KCND2: variants seen among roughly 807,000 people sequenced by gnomAD.
The protein encoded by KCND2 is A-type voltage-gated potassium channel KCND2.
In KCND2, 16 loss-of-function variants were observed where a neutral mutation model predicts 54.4. That is an observed-to-expected ratio of 0.29 (90% CI 0.20 to 0.45). The LOEUF (loss-of-function observed/expected upper bound fraction) is 0.45. Ranked by LOEUF, KCND2 falls within the 20% of genes least tolerant of loss-of-function variation. The pLI, the probability that KCND2 is intolerant of heterozygous loss-of-function variation, is 1.00. For synonymous variants in KCND2, 317 were observed against 310.7 expected (o/e 1.02, Z -0.21); for missense variants, 486 against 824.2 (o/e 0.59, Z 5.02).
At chr7:120,643,481 T>G (rs1403270625) in intron 1 of KCND2, among the ~76,000 whole-genome samples, 3 of 152,158 alleles carry the variant, frequency 2.0e-5, no homozygotes, top group African/African-American at 4.8e-5. Flanking sequence ...AATAGATTTT[T>G]ATATCTTAAA....
chr7:120,681,111 C>T (rs998936357), intron 1 of KCND2, among the ~76,000 whole-genome samples: 1 of 152,022 alleles, frequency 6.6e-6, no homozygotes, highest in Non-Finnish European at 1.5e-5. Flanking sequence ...AGCAACTCCC[C>T]AAAGGAGACT....
chr7:120,651,502 G>A (rs1218261469), intron 1 of KCND2, among the ~76,000 whole-genome samples: 7 of 152,150 alleles, frequency 4.6e-5, no homozygotes, highest in Non-Finnish European at 8.8e-5. Flanking sequence ...CTATTTTCCA[G>A]GTCCCACTTG....
intron 1 of KCND2, among the ~76,000 whole-genome samples, chr7:120,702,590 C>T (rs561402175): frequency 1.6e-3 from 249 of 152,290 alleles, no homozygotes; most frequent in African/African-American, 5.6e-3. Context: ...TACATATACA[C>T]CATGGAATAC....
intron 1 of KCND2, among the ~76,000 whole-genome samples, chr7:120,318,287 G>C (rs1198884069): frequency 6.6e-6 from 1 of 152,092 alleles, no homozygotes; most frequent in Non-Finnish European, 1.5e-5. Flanking sequence ...AAATTACATA[G>C]TGATGCCATA....
At chr7:120,628,773 C>T (rs1184665835) in intron 1 of KCND2, among the ~76,000 whole-genome samples, 7 of 152,138 alleles carry the variant, frequency 4.6e-5, no homozygotes, top group Non-Finnish European at 1.0e-4. Context: ...AAATGGATAG[C>T]ACCCCAGGAA....
intron 1 of KCND2, among the ~76,000 whole-genome samples, chr7:120,433,134 T>C (rs1048389997): frequency 3.3e-5 from 5 of 152,166 alleles, no homozygotes; most frequent in African/African-American, 9.7e-5. Context: ...GTGTGGACGC[T>C]TTTTCAAATT....
intron 1 of KCND2, among the ~76,000 whole-genome samples, chr7:120,430,256 C>T (rs1020504833): frequency 2.0e-5 from 3 of 152,080 alleles, no homozygotes; most frequent in Non-Finnish European, 4.4e-5. Context: ...CTTTTCTCTT[C>T]GTGTGCCTCC....
intron 1 of KCND2, among the ~76,000 whole-genome samples, chr7:120,363,494 C>T (rs1476614439): frequency 1.3e-5 from 2 of 152,012 alleles, no homozygotes; most frequent in Middle Eastern, 3.2e-3. Flanking sequence ...TCTCTGATAC[C>T]TCATGTAATC....
chr7:120,709,265 A>T (rs994790019), intron 1 of KCND2, among the ~76,000 whole-genome samples: 10 of 152,156 alleles, frequency 6.6e-5, no homozygotes, highest in African/African-American at 2.4e-4. Flanking sequence ...AAAACTTCAA[A>T]TTATTACCAT....
At chr7:120,532,138 T>A (rs1791850344) in intron 1 of KCND2, among the ~76,000 whole-genome samples, 1 of 152,104 alleles carries the variant, frequency 6.6e-6, no homozygotes, top group African/African-American at 2.4e-5. Context: ...TATGCAATAA[T>A]TCTAATGTCA....
intron 1 of KCND2, among the ~76,000 whole-genome samples, chr7:120,309,474 T>TATATATACAC (rs1257702636): frequency 2.6e-5 from 3 of 113,278 alleles, no homozygotes; most frequent in African/African-American, 1.0e-4. Flanking sequence ...TATATATATA[T>TATATATACAC]ACACACACAC....
chr7:120,464,784 G>A (rs1802344120), intron 1 of KCND2, among the ~76,000 whole-genome samples: 1 of 152,102 alleles, frequency 6.6e-6, no homozygotes. Context: ...TCTGCTCCTG[G>A]AAGCCACCTG....
intron 1 of KCND2, among the ~76,000 whole-genome samples, chr7:120,360,064 C>G (rs943594338): frequency 6.6e-6 from 1 of 152,036 alleles, no homozygotes; most frequent in African/African-American, 2.4e-5. Flanking sequence ...AATACAAGAT[C>G]TAAGTGTGAA....
chr7:120,352,499 A>G (rs1201069222), intron 1 of KCND2, among the ~76,000 whole-genome samples: 6 of 146,804 alleles, frequency 4.1e-5, no homozygotes, highest in Non-Finnish European at 9.1e-5. Context: ...CACACACACA[A>G]CATTCATGAA....
intron 1 of KCND2, among the ~76,000 whole-genome samples, chr7:120,417,216 T>A (rs938229889): frequency 6.6e-6 from 1 of 152,174 alleles, no homozygotes; most frequent in African/African-American, 2.4e-5. Flanking sequence ...ACCTCTTAAA[T>A]AGATAGGACA....
intron 1 of KCND2, among the ~76,000 whole-genome samples, chr7:120,366,227 G>C (rs150598225): frequency 9.4e-4 from 143 of 152,200 alleles, no homozygotes; most frequent in Admixed American, 2.1e-3. Context: ...GCTTACACCT[G>C]TAACACCAGC....
At chr7:120,309,148 G>A (rs1293179883) in intron 1 of KCND2, among the ~76,000 whole-genome samples, 1 of 152,146 alleles carries the variant, frequency 6.6e-6, no homozygotes, top group Admixed American at 6.6e-5. Flanking sequence ...GAAGACATGA[G>A]TGGGTAATGA....
intron 1 of KCND2, among the ~76,000 whole-genome samples, chr7:120,545,800 T>C (rs185588488): frequency 2.0e-4 from 30 of 151,648 alleles, no homozygotes; most frequent in Non-Finnish European, 3.4e-4. Context: ...GAGGGAGTTA[T>C]AGAGAAAATG....
At chr7:120,443,367 T>C (rs983094882) in intron 1 of KCND2, among the ~76,000 whole-genome samples, 5 of 149,118 alleles carry the variant, frequency 3.4e-5, no homozygotes, top group African/African-American at 1.2e-4. Flanking sequence ...ATAATAATAA[T>C]AATAATAATA....
Sources: gnomAD v4.1 joint callset for allele counts (sites outside exome capture counted in the v4.1 genomes callset) on GRCh38, gnomAD v4.1.1 for gene constraint, MANE v1.5 for transcripts, NCBI Gene and HGNC (gene_info 2026-07-23, HGNC 2026-07-21) for gene names.